Variants in ANXA9 observed in about 807,000 individuals in gnomAD.
ANXA9 encodes the protein annexin 31.
ANXA9 carries 47 observed loss-of-function variants against 51.8 expected under a neutral mutation model. That is an observed-to-expected ratio of 0.91 (90% CI 0.72 to 1.16). The LOEUF is 1.16. ANXA9 is among the 50% of genes most tolerant of loss of function. The pLI is 0.00. For synonymous variants in ANXA9, 154 were observed against 168.7 expected (o/e 0.91, Z 0.68); for missense variants, 361 against 424.7 (o/e 0.85, Z 1.32).
At chr1:150,987,040 A>C (rs1671576728) in intron 9 of ANXA9, among the ~76,000 whole-genome samples, 1 of 152,170 alleles carries the variant, frequency 6.6e-6, no homozygotes, top group South Asian at 2.1e-4. Flanking sequence ...CTTTCTTAAA[A>C]AATAAAAAAC....
At chr1:150,993,584 A>G (rs984720923) in intron 12 of ANXA9, among the ~76,000 whole-genome samples, 1 of 150,018 alleles carries the variant, frequency 6.7e-6, no homozygotes, top group African/African-American at 2.5e-5. Flanking sequence ...TTCTGGGATT[A>G]CAGGCATGAG....
At chr1:150,979,538 A>C (rs931011588), upstream of ANXA9, among the ~76,000 whole-genome samples, 2 of 152,068 alleles carry the variant, frequency 1.3e-5, no homozygotes, top group Non-Finnish European at 2.9e-5. Flanking sequence ...CTGCATACCA[A>C]TTCCACCCAG....
chr1:150,986,790 TCTC>T, intron 9 of ANXA9, 129 bp downstream of exon 9: 1 of 920,724 alleles, frequency 1.1e-6, no homozygotes, highest in Non-Finnish European at 1.6e-6. Context: ...GAGAGGGAGT[TCTC>T]AGTTATGTGG....
At chr1:150,991,924 G>A (rs1300433634) in intron 12 of ANXA9, among the ~76,000 whole-genome samples, 1 of 151,620 alleles carries the variant, frequency 6.6e-6, no homozygotes, top group African/African-American at 2.4e-5. Context: ...CCGCCACCAC[G>A]CCCGGCTAAT....
chr1:150,993,210 A>G (rs1376957583), intron 12 of ANXA9, among the ~76,000 whole-genome samples: 4 of 151,990 alleles, frequency 2.6e-5, no homozygotes, highest in African/African-American at 9.7e-5. Flanking sequence ...CAGGAATTTT[A>G]CAATTAAAAG....
rs1332232647 is a variant in ANXA9 at position 150,983,365 on chromosome 1, C to T, written c.103C>T (p.Leu35Phe). The change falls in exon 4 of 14, where the codon CTC becomes TTC. Residue 35 changes from leucine (L) to phenylalanine (F), a missense_variant. By Grantham distance (22) the Leu-to-Phe change is conservative. Transcript: ENST00000368947. ...TGCAGCGTGGGGGACCCTGGGCACC[C>T]TCAGGACCTTCTTGAACTTCAGCGT... is the stretch of plus-strand genomic sequence containing the variant. The part of the protein sequence containing the change: ...KTAAWGTLGT[L>F]RTFLNFSVDK... The T allele has an allele frequency of 6.2e-7, 1 of 1,614,112 alleles. No individual in the cohort carries two copies. Among genetic ancestry groups the T allele is most frequent in the Non-Finnish European group, 8.5e-7 (1 of 1,179,990 alleles).
chr1:150,995,367 T>C lies in ANXA9; in HGVS notation c.*45T>C. 6.4e-7 allele frequency: 1 copy of C among 1,563,774 alleles called. No individual in the cohort carries two copies. Among genetic ancestry groups the C allele is most frequent in the East Asian group, 2.4e-5 (1 of 42,044 alleles). On this transcript the variant is annotated 3_prime_UTR_variant, in exon 14 of 14. Transcript: ENST00000368947. ...ACATGACATCCGAGGATCTGAGATT[T>C]CCGTGTTTGGCTGAACCTGGGAGAC...
Position 150,986,670 on chromosome 1 carries a change from G to A in ANXA9, c.612+9G>A. ...CAGAACAAGATGTCCAGGTGAGCAG[G>A]GGGTTTAGGAGTGTGCACAGCCGCC... On this transcript the variant is annotated intron_variant, in intron 9 of 13. Coordinates refer to ENST00000368947, the MANE Select transcript of ANXA9 (RefSeq NM_003568.3). 6.3e-7 allele frequency: 1 copy of A among 1,593,878 alleles called. No individual in the cohort carries two copies. Among genetic ancestry groups the A allele is most frequent in the Non-Finnish European group, 8.5e-7 (1 of 1,174,504 alleles).
At chr1:150,992,767 C>T (rs587602876) in intron 12 of ANXA9, among the ~76,000 whole-genome samples, 90 of 152,292 alleles carry the variant, frequency 5.9e-4, no homozygotes, top group African/African-American at 2.1e-3. Context: ...GAATTCACGC[C>T]ACTGCATTCC....
intron 9 of ANXA9, among the ~76,000 whole-genome samples, chr1:150,987,271 G>C (rs1391206604): frequency 6.6e-6 from 1 of 151,722 alleles, no homozygotes; most frequent in African/African-American, 2.4e-5. Flanking sequence ...TGGGAGGATC[G>C]CTTGAGCCTG....
chr1:150,986,925 C>T (rs1218694988), intron 9 of ANXA9, among the ~76,000 whole-genome samples: 1 of 152,156 alleles, frequency 6.6e-6, no homozygotes, highest in Non-Finnish European at 1.5e-5. Flanking sequence ...AGAAAGCCTC[C>T]TCAGACCTTT....
chr1:150,984,067 C>G lies in ANXA9; in HGVS notation c.265C>G (p.Gln89Glu). The change falls in exon 5 of 14, where the codon CAG becomes GAG. Residue 89 changes from glutamine (Q) to glutamate (E), a missense_variant and splice_region_variant. Coordinates refer to ENST00000368947, the MANE Select transcript of ANXA9 (RefSeq NM_003568.3). ...ACGAAACTTCCAGGAGCGCACCCAACAGGTGAGGCCATGCTGACCTCCCAC... is the reference window on the plus strand; with the variant it reads ...ACGAAACTTCCAGGAGCGCACCCAAGAGGTGAGGCCATGCTGACCTCCCAC... ...ISRNFQERTQ[Q>E]DLMKSLQAAL... is the part of the protein sequence containing the mutation. The G allele has an allele frequency of 6.2e-7, 1 of 1,609,664 alleles. No homozygotes were observed.
chr1:150,990,999 C>T (rs992859784), intron 12 of ANXA9, among the ~76,000 whole-genome samples: 4 of 151,712 alleles, frequency 2.6e-5, no homozygotes, highest in Non-Finnish European at 2.9e-5. Flanking sequence ...AGAAATTAGC[C>T]AGGCGTGGTA....
In ANXA9 at chr1:150,995,315, A is replaced by C. The variant is rs749445856; in HGVS notation, c.1031A>C (p.Asp344Ala). The C allele has an allele frequency of 1.6e-5, 25 of 1,607,396 alleles. No individual in the cohort carries two copies. The part of the protein sequence containing the change: ...SALLALCRAE[D>A]M The stretch of plus-strand genomic sequence containing the variant: ...CTCCTGGCCTTGTGCAGGGCTGAAG[A>C]CATGTGAGACTTCCCTGCCCCACCC... Residue 344 changes from aspartate to alanine, a missense_variant, in exon 14 of 14, where the codon GAC (aspartate) becomes GCC (alanine). Transcript: ENST00000368947.
chr1:150,985,190 T>TCA (rs768559320), intron 7 of ANXA9, among the ~76,000 whole-genome samples: 15,450 of 146,766 alleles, frequency 0.11, 962 homozygotes, highest in Non-Finnish European at 0.15. Context: ...TCTCTCTCTC[T>TCA]CACACACACA....
intron 12 of ANXA9, among the ~76,000 whole-genome samples, chr1:150,989,902 T>C (rs1445484910): frequency 6.6e-6 from 1 of 152,248 alleles, no homozygotes; most frequent in African/African-American, 2.4e-5. Context: ...GTTGTACTTA[T>C]CTGTCCAAAT....
At chr1:150,991,670 T>C (rs760240337) in intron 12 of ANXA9, among the ~76,000 whole-genome samples, 2 of 152,128 alleles carry the variant, frequency 1.3e-5, no homozygotes, top group Non-Finnish European at 2.9e-5. Flanking sequence ...CCCTCCCAAG[T>C]AGCTGGAACT....
chr1:150,991,326 T>C lies in ANXA9; in HGVS notation c.852+2985T>C, dbSNP rs587768294. On this transcript the variant is annotated intron_variant, in intron 12 of 13. Transcript: ENST00000368947. ...ATCTCGGCTCATTGCAACCTCCGCC[T>C]CCCGAGTTCAAGCGATTCTTCTGCC... 1.5e-4 allele frequency among the ~76,000 whole-genome samples: 23 copies of C among 151,342 alleles called. No individual in the cohort carries two copies. The South Asian group carries it at 4.8e-3, about 32-fold the overall frequency.
At chr1:150,979,287 G>T (rs368366326), upstream of ANXA9, among the ~76,000 whole-genome samples, 12 of 151,654 alleles carry the variant, frequency 7.9e-5, no homozygotes, top group Admixed American at 5.9e-4. Context: ...GGAGAGATTC[G>T]GCGTGAGGAA....
Sources: allele counts gnomAD v4.1 joint callset (sites outside exome capture counted in the v4.1 genomes callset), GRCh38; gene constraint gnomAD v4.1.1; transcripts MANE v1.5; gene names NCBI Gene and HGNC (gene_info 2026-07-23, HGNC 2026-07-21).